The following TESK2 variants were observed in gnomAD, a reference collection of about 807,000 sequenced individuals.
The protein encoded by TESK2 is dual specificity testis-specific protein kinase 2.
In TESK2, 39 loss-of-function variants were observed where a neutral mutation model predicts 57.1. The ratio of observed to expected loss-of-function variants is 0.68; its 90% CI spans 0.53 to 0.89. The LOEUF is 0.89. TESK2 is among the 40% of genes least tolerant of loss of function. TESK2 has a pLI of 0.00. For missense variants in TESK2, 646 were observed against 732.1 expected, an observed-to-expected ratio of 0.88 and a Z score of 1.36; for synonymous variants, 249 against 267.9, an observed-to-expected ratio of 0.93 and a Z score of 0.69.
At chr1:45,436,478 CTTTTTTTTTTTT>C (rs35561877) in intron 2 of TESK2, among the ~76,000 whole-genome samples, 4 of 33,624 alleles carry the variant, frequency 1.2e-4, no homozygotes, top group African/African-American at 5.1e-4. Flanking sequence ...CGTGCCTGGC[CTTTTTTTTTTTT>C]TTTTTTTTTT....
intron 2 of TESK2, among the ~76,000 whole-genome samples, chr1:45,423,851 T>C (rs904509914): frequency 6.6e-6 from 1 of 152,222 alleles, no homozygotes; most frequent in Admixed American, 6.5e-5. Context: ...TCATAAACCA[T>C]AACACTTTAC....
At chr1:45,384,786 A>G (rs974804313) in intron 4 of TESK2, among the ~76,000 whole-genome samples, 1 of 151,732 alleles carries the variant, frequency 6.6e-6, no homozygotes, top group African/African-American at 2.4e-5. Context: ...TATTATCCCC[A>G]TTATACAGAT....
At chr1:45,485,463 A>C (rs1482036857) in intron 1 of TESK2, among the ~76,000 whole-genome samples, 2 of 151,678 alleles carry the variant, frequency 1.3e-5, no homozygotes, top group Non-Finnish European at 2.9e-5. Context: ...CTGGGATTAC[A>C]GGCATGAGCC....
In TESK2 at chr1:45,347,020, C is replaced by A; in HGVS notation, c.751G>T (p.Ala251Ser). 1 of 1,614,162 alleles carries A rather than the reference C, an allele frequency of 6.2e-7. No homozygotes were observed. The highest frequency in any genetic ancestry group is 8.5e-7 in the Non-Finnish European group (1 of 1,180,030). ...SYGIILCEIIARIQADPDYLP... is the reference protein window; with the variant it reads ...SYGIILCEIISRIQADPDYLP... The stretch of plus-strand genomic sequence containing the variant: ...TAGTCCGGATCGGCCTGGATGCGGG[C>A]GATGATCTCGCAGAGGATGATACCA... Residue 251 changes from alanine to serine, a missense_variant, in exon 8 of 11, where the codon GCC (alanine) becomes TCC (serine). Physicochemically the swap from Ala to Ser is moderately conservative, Grantham distance 99. Transcript: ENST00000372086.
At chr1:45,356,359 T>G (rs1426511485) in intron 4 of TESK2, among the ~76,000 whole-genome samples, 1 of 151,994 alleles carries the variant, frequency 6.6e-6, no homozygotes. Context: ...TCAGGCCAGG[T>G]GTGGTGACTC....
chr1:45,486,976 C>G (rs1653509452), intron 1 of TESK2, among the ~76,000 whole-genome samples: 2 of 151,794 alleles, frequency 1.3e-5, no homozygotes, highest in African/African-American at 2.4e-5. Context: ...GCATGCACCA[C>G]CACGCCCAGC....
chr1:45,401,258 G>A (rs1291628087), intron 3 of TESK2, among the ~76,000 whole-genome samples: 2 of 151,712 alleles, frequency 1.3e-5, no homozygotes, highest in African/African-American at 2.4e-5. Flanking sequence ...TTAGCTGGGC[G>A]TGGTTGCAGC....
intron 1 of TESK2, among the ~76,000 whole-genome samples, chr1:45,464,025 T>C (rs971023609): frequency 6.6e-6 from 1 of 152,188 alleles, no homozygotes; most frequent in African/African-American, 2.4e-5. Flanking sequence ...TCTAGGTCTT[T>C]TGTGGTTCTA....
At chr1:45,451,428 G>A (rs1440584960) in intron 2 of TESK2, among the ~76,000 whole-genome samples, 1 of 152,166 alleles carries the variant, frequency 6.6e-6, no homozygotes, top group Non-Finnish European at 1.5e-5. Context: ...GTAAATATGA[G>A]TGCAAAAGTG....
chr1:45,397,827 C>T (rs1649429753), intron 3 of TESK2, among the ~76,000 whole-genome samples: 1 of 152,158 alleles, frequency 6.6e-6, no homozygotes, highest in Admixed American at 6.6e-5. Flanking sequence ...AGAACACCTC[C>T]AAATAACAAC....
intron 2 of TESK2, among the ~76,000 whole-genome samples, chr1:45,448,869 A>G (rs1651752198): frequency 6.6e-6 from 1 of 152,186 alleles, no homozygotes; most frequent in Admixed American, 6.6e-5. Flanking sequence ...AATCCAAAAC[A>G]CTGACATCAA....
rs1649937139 is a variant in TESK2 at position 45,408,768 on chromosome 1, G to A, written c.344+12957C>T. 2.0e-5 allele frequency among the ~76,000 whole-genome samples: 3 copies of A among 152,152 alleles called. No homozygotes were observed. The South Asian group carries it at 6.2e-4, about 32-fold the overall frequency. ...CTGCCTGAGAGCCAGGTGATGGAAG[G>A]TGACTAGAAGTCTTATGAGCCTCAC... On this transcript the variant is annotated intron_variant, in intron 3 of 10. Transcript: ENST00000372086.
At chr1:45,375,873 A>C (rs146142624) in intron 4 of TESK2, among the ~76,000 whole-genome samples, 28 of 152,360 alleles carry the variant, frequency 1.8e-4, no homozygotes, top group African/African-American at 6.3e-4. Context: ...TGGATGAATA[A>C]ATGAGCCAAA....
At chr1:45,445,424 T>C (rs1338822910) in intron 2 of TESK2, among the ~76,000 whole-genome samples, 20 of 152,110 alleles carry the variant, frequency 1.3e-4, no homozygotes. Flanking sequence ...GAAGAACCAG[T>C]TGGACAATTA....
At chr1:45,389,065 C>G (rs1462548447) in intron 3 of TESK2, among the ~76,000 whole-genome samples, 1 of 152,120 alleles carries the variant, frequency 6.6e-6, no homozygotes, top group Non-Finnish European at 1.5e-5. Context: ...AGGGCTCTGC[C>G]TAATCCATTC....
intron 4 of TESK2, among the ~76,000 whole-genome samples, chr1:45,380,930 C>T (rs1049394367): frequency 3.3e-5 from 5 of 152,022 alleles, no homozygotes; most frequent in Admixed American, 2.6e-4. Flanking sequence ...TGCTTAGCAC[C>T]GTGGGGAATA....
At chr1:45,374,801 C>T (rs955908675) in intron 4 of TESK2, among the ~76,000 whole-genome samples, 3 of 152,176 alleles carry the variant, frequency 2.0e-5, no homozygotes, top group Non-Finnish European at 2.9e-5. Context: ...TCTTGATCAT[C>T]TCCCATTGTG....
In TESK2 at chr1:45,437,910, G is replaced by A. The variant is rs552934684; in HGVS notation, c.223-16064C>T. On this transcript the variant is annotated intron_variant, in intron 2 of 10. Transcript: ENST00000372086. ...ACACACATAAGTGTTGCTCATAGAT[G>A]TTGGGGTTTGGGGATGGTTCTGAAT... is the stretch of plus-strand genomic sequence containing the variant. 5.9e-5 allele frequency among the ~76,000 whole-genome samples: 9 copies of A among 152,268 alleles called. No individual in the cohort carries two copies. The South Asian group carries it at 1.7e-3, about 28-fold the overall frequency.
At chr1:45,416,338 C>T (rs1650241367) in intron 3 of TESK2, among the ~76,000 whole-genome samples, 1 of 151,762 alleles carries the variant, frequency 6.6e-6, no homozygotes, top group Non-Finnish European at 1.5e-5. Context: ...ATGGTTTCAC[C>T]ATCTTGCCCA....
Sources: gnomAD v4.1 joint callset for allele counts (sites outside exome capture counted in the v4.1 genomes callset) on GRCh38, gnomAD v4.1.1 for gene constraint, MANE v1.5 for transcripts, NCBI Gene and HGNC (gene_info 2026-07-23, HGNC 2026-07-21) for gene names.